The following DPYD variants were observed in gnomAD, a reference collection of about 807,000 sequenced individuals.
DPYD encodes dihydropyrimidine dehydrogenase [NADP(+)].
A neutral mutation model predicts 116.2 loss-of-function variants in DPYD; 109 were observed. The ratio of observed to expected loss-of-function variants is 0.94; its 90% confidence interval spans 0.80 to 1.10. The LOEUF (loss-of-function observed/expected upper bound fraction) is 1.10, where lower values mean the gene tolerates loss of function less well. DPYD is among the 50% of genes least tolerant of loss of function. DPYD has a pLI of 0.00. For synonymous variants in DPYD, 440 were observed against 432.0 expected, an observed-to-expected ratio of 1.02 and a Z score of -0.23; for missense variants, 1,302 against 1,254.5, an observed-to-expected ratio of 1.04 and a Z score of -0.57.
intron 10 of DPYD, among the ~76,000 whole-genome samples, chr1:97,578,757 G>A (rs1230604796): frequency 6.6e-6 from 1 of 152,140 alleles, no homozygotes; most frequent in African/African-American, 2.4e-5. Flanking sequence ...GTGGGAAGAG[G>A]AGACTCAAGC....
At chr1:97,869,059 T>C (rs1035932049) in intron 2 of DPYD, among the ~76,000 whole-genome samples, 32 of 151,972 alleles carry the variant, frequency 2.1e-4, no homozygotes, top group African/African-American at 5.5e-4. Flanking sequence ...TGATTTTCAG[T>C]ACATGTTGCA....
intron 16 of DPYD, among the ~76,000 whole-genome samples, chr1:97,361,851 T>A (rs1403045227): frequency 6.6e-6 from 1 of 152,222 alleles, no homozygotes; most frequent in African/African-American, 2.4e-5. Context: ...AATATCATAC[T>A]GAATGGGCAA....
At chr1:97,303,205 G>A (rs1228318267) in intron 18 of DPYD, among the ~76,000 whole-genome samples, 3 of 151,988 alleles carry the variant, frequency 2.0e-5, no homozygotes, top group African/African-American at 7.2e-5. Flanking sequence ...CACTGGCAAT[G>A]AAAAGTATGT....
At chr1:97,561,980 T>C (rs1652183807) in intron 11 of DPYD, among the ~76,000 whole-genome samples, 1 of 152,220 alleles carries the variant, frequency 6.6e-6, no homozygotes, top group Admixed American at 6.5e-5. Context: ...TACCTAAAGG[T>C]AACTTTATTT....
chr1:97,420,391 AT>A (rs955335063), intron 14 of DPYD, among the ~76,000 whole-genome samples: 1 of 151,938 alleles, frequency 6.6e-6, no homozygotes, highest in Non-Finnish European at 1.5e-5. Context: ...AAACTTGTAG[AT>A]TTTTTTACCT....
chr1:97,426,418 G>A (rs1674868398), intron 14 of DPYD, among the ~76,000 whole-genome samples: 1 of 152,102 alleles, frequency 6.6e-6, no homozygotes, highest in South Asian at 2.1e-4. Flanking sequence ...AAGGTCTCAT[G>A]AATATTTGGG....
chr1:97,237,197 C>T (rs1197891461), intron 18 of DPYD, among the ~76,000 whole-genome samples: 3 of 137,178 alleles, frequency 2.2e-5, no homozygotes, highest in Admixed American at 8.0e-5. Flanking sequence ...GCCGAGATTG[C>T]GCCATTGCCC....
At chr1:97,322,234 TAAA>T (rs199970686) in intron 16 of DPYD, among the ~76,000 whole-genome samples, 1 of 146,174 alleles carries the variant, frequency 6.8e-6, no homozygotes, top group Non-Finnish European at 1.5e-5. Flanking sequence ...TAAAGTATAA[TAAA>T]AAAAAATAAT....
At chr1:97,591,623 T>C (rs897488373) in intron 10 of DPYD, among the ~76,000 whole-genome samples, 13 of 152,190 alleles carry the variant, frequency 8.5e-5, no homozygotes, top group African/African-American at 3.1e-4. Flanking sequence ...GACTATGATA[T>C]AAAATGTGAA....
intron 21 of DPYD, among the ~76,000 whole-genome samples, chr1:97,087,509 T>C (rs554436197): frequency 6.6e-6 from 1 of 152,228 alleles, no homozygotes; most frequent in East Asian, 1.9e-4. Context: ...AGAGATGGAA[T>C]AGCGGCAAGT....
intron 13 of DPYD, among the ~76,000 whole-genome samples, chr1:97,514,433 A>G (rs964328366): frequency 1.3e-5 from 2 of 151,908 alleles, no homozygotes; most frequent in Non-Finnish European, 2.9e-5. Context: ...CATAACTAAT[A>G]TAGTCAGTAT....
intron 10 of DPYD, among the ~76,000 whole-genome samples, chr1:97,582,967 G>T (rs1256576580): frequency 6.6e-6 from 1 of 151,586 alleles, no homozygotes; most frequent in African/African-American, 2.4e-5. Context: ...TTGATTTTTT[G>T]TTGTTGTTGT....
chr1:97,709,668 C>T (rs954418201), intron 5 of DPYD, among the ~76,000 whole-genome samples: 5 of 151,596 alleles, frequency 3.3e-5, no homozygotes, highest in Non-Finnish European at 7.4e-5. Flanking sequence ...GGATTTTCCC[C>T]CAAGTCTCCT....
intron 20 of DPYD, among the ~76,000 whole-genome samples, chr1:97,125,424 G>A (rs551713815): frequency 6.6e-6 from 1 of 152,148 alleles, no homozygotes; most frequent in East Asian, 1.9e-4. Context: ...AAATTAAGTA[G>A]ATTTGAGTAA....
At chr1:97,706,263 A>G (rs556227332) in intron 5 of DPYD, among the ~76,000 whole-genome samples, 2 of 152,218 alleles carry the variant, frequency 1.3e-5, no homozygotes, top group Admixed American at 6.6e-5. Context: ...GAAGCATTTA[A>G]AAAACACTGA....
chr1:97,645,255 G>C (rs977056650), intron 8 of DPYD, among the ~76,000 whole-genome samples: 3 of 152,026 alleles, frequency 2.0e-5, no homozygotes, highest in Non-Finnish European at 2.9e-5. Context: ...TATAATAATT[G>C]TATAGGAGTG....
At chr1:97,565,317 G>A (rs889941888) in intron 11 of DPYD, among the ~76,000 whole-genome samples, 7 of 152,032 alleles carry the variant, frequency 4.6e-5, no homozygotes, top group Admixed American at 3.3e-4. Context: ...AGAGAAGGAA[G>A]CTCTAACACC....
intron 8 of DPYD, among the ~76,000 whole-genome samples, chr1:97,621,007 CCTGT>C (rs1451963426): frequency 3.3e-5 from 5 of 152,128 alleles, no homozygotes; most frequent in South Asian, 2.1e-4. Context: ...ACTGTACAAG[CCTGT>C]CTAATTTTAT....
chr1:97,788,821 G>A (rs770401899), intron 3 of DPYD, among the ~76,000 whole-genome samples: 1 of 152,132 alleles, frequency 6.6e-6, no homozygotes, highest in Non-Finnish European at 1.5e-5. Context: ...TGTTGTTGTT[G>A]TTGTTGTTTG....
Sources: gnomAD v4.1 joint callset for allele counts (sites outside exome capture counted in the v4.1 genomes callset) on GRCh38, gnomAD v4.1.1 for gene constraint, MANE v1.5 for transcripts, NCBI Gene and HGNC (gene_info 2026-07-23, HGNC 2026-07-21) for gene names.